FGF12: variants seen among roughly 807,000 people sequenced by gnomAD.
FGF12 encodes fibroblast growth factor 12B.
A neutral mutation model predicts 23.6 loss-of-function variants in FGF12; 14 were observed. That is an observed-to-expected ratio of 0.59 (90% CI 0.39 to 0.93). The LOEUF (loss-of-function observed/expected upper bound fraction) is 0.93, where lower values mean the gene tolerates loss of function less well. FGF12 is among the 40% of genes least tolerant of loss of function. The pLI is 0.00. For synonymous variants in FGF12, 62 were observed against 77.3 expected (o/e 0.80, Z 1.04); for missense variants, 175 against 217.8 (o/e 0.80, Z 1.24).
intron 2 of FGF12, among the ~76,000 whole-genome samples, chr3:192,407,186 C>A (rs142985642): frequency 2.0e-5 from 3 of 152,150 alleles, no homozygotes; most frequent in Non-Finnish European, 4.4e-5. Context: ...CATCTGCGGT[C>A]GGGGCTGCAG....
At chr3:192,362,238 T>TC (rs1284753130) in intron 2 of FGF12, among the ~76,000 whole-genome samples, 1 of 152,142 alleles carries the variant, frequency 6.6e-6, no homozygotes, top group Admixed American at 6.5e-5. Flanking sequence ...AACAACTCTC[T>TC]CTTTTTTTTA....
intron 4 of FGF12, among the ~76,000 whole-genome samples, chr3:192,250,309 T>A (rs1433116649): frequency 6.6e-6 from 1 of 152,154 alleles, no homozygotes; most frequent in Non-Finnish European, 1.5e-5. Context: ...CATTAGCTAG[T>A]TAAGTGTACA....
At chr3:192,364,617 C>G (rs1718888282) in intron 2 of FGF12, among the ~76,000 whole-genome samples, 1 of 152,132 alleles carries the variant, frequency 6.6e-6, no homozygotes, top group South Asian at 2.1e-4. Flanking sequence ...CAAACATTCT[C>G]CTCCACACTC....
intron 4 of FGF12, among the ~76,000 whole-genome samples, chr3:192,191,733 G>T (rs547040537): frequency 6.6e-6 from 1 of 152,162 alleles, no homozygotes; most frequent in East Asian, 1.9e-4. Context: ...CTACTCAGGA[G>T]GCTGAGGCAG....
chr3:192,499,067 T>A (rs1724042874), intron 2 of FGF12, among the ~76,000 whole-genome samples: 1 of 152,336 alleles, frequency 6.6e-6, no homozygotes, highest in East Asian at 1.9e-4. Context: ...TTTATTTTTA[T>A]CCCTGATATA....
At chr3:192,343,722 G>A (rs1717811187) in intron 3 of FGF12, among the ~76,000 whole-genome samples, 3 of 152,208 alleles carry the variant, frequency 2.0e-5, no homozygotes, top group South Asian at 4.1e-4. Context: ...TAATTCCACA[G>A]CATTCCATAC....
At chr3:192,158,632 GT>G (rs1487149874) in intron 5 of FGF12, among the ~76,000 whole-genome samples, 1 of 8,384 alleles carries the variant, frequency 1.2e-4, no homozygotes, top group Non-Finnish European at 2.1e-4. Context: ...CTTTCTCTCT[GT>G]TTTTTCCCTC....
chr3:192,280,592 C>T lies in FGF12; in HGVS notation c.228+54769G>A, dbSNP rs76636641. ...TTAGGCACTTCTTATGTGCAAAATACTGCTCTGAATGCTTTACATTTATGA... is the reference window on the plus strand; with the variant it reads ...TTAGGCACTTCTTATGTGCAAAATATTGCTCTGAATGCTTTACATTTATGA... On this transcript the variant is annotated intron_variant, in intron 4 of 5. Coordinates refer to ENST00000445105, the MANE Select transcript of FGF12 (RefSeq NM_004113.6). Among the ~76,000 whole-genome samples, 680 of 152,196 alleles carry T rather than the reference C, an allele frequency of 4.5e-3. 4 individuals are homozygous for T. Among genetic ancestry groups the T allele is most frequent in the African/African-American group, 0.016 (671 of 41,550 alleles).
At chr3:192,252,206 A>G (rs2108607785) in intron 4 of FGF12, among the ~76,000 whole-genome samples, 1 of 152,166 alleles carries the variant, frequency 6.6e-6, no homozygotes, top group East Asian at 1.9e-4. Context: ...CACGCCTGTA[A>G]TCACAGCACT....
At chr3:192,718,626 A>G (rs1247990035) in intron 2 of FGF12, among the ~76,000 whole-genome samples, 1 of 152,196 alleles carries the variant, frequency 6.6e-6, no homozygotes, top group Non-Finnish European at 1.5e-5. Context: ...CGTCTTTTCC[A>G]CAAGGCCACT....
intron 2 of FGF12, among the ~76,000 whole-genome samples, chr3:192,433,692 AT>A: frequency 6.6e-6 from 1 of 152,378 alleles, no homozygotes; most frequent in South Asian, 2.1e-4. Flanking sequence ...TCATGTAAAT[AT>A]TTAGACTAGT....
intron 2 of FGF12, among the ~76,000 whole-genome samples, chr3:192,642,995 C>T (rs1032132504): frequency 3.3e-5 from 5 of 152,202 alleles, no homozygotes; most frequent in African/African-American, 1.2e-4. Flanking sequence ...ATTACGTTTT[C>T]TTACCAGCAG....
intron 2 of FGF12, among the ~76,000 whole-genome samples, chr3:192,598,803 A>C (rs1225228333): frequency 6.6e-6 from 1 of 152,174 alleles, no homozygotes; most frequent in African/African-American, 2.4e-5. Flanking sequence ...TGGATTAGCT[A>C]TACACTTTCC....
At chr3:192,316,620 C>T (rs570153658) in intron 4 of FGF12, among the ~76,000 whole-genome samples, 1 of 152,300 alleles carries the variant, frequency 6.6e-6, no homozygotes, top group South Asian at 2.1e-4. Flanking sequence ...AACTTGAGTT[C>T]TGCCAAGCCT....
At chr3:192,624,753 T>G (rs1226796833) in intron 2 of FGF12, among the ~76,000 whole-genome samples, 1 of 152,126 alleles carries the variant, frequency 6.6e-6, no homozygotes, top group East Asian at 1.9e-4. Flanking sequence ...GATTGTAAAA[T>G]TAATTTATTT....
chr3:192,247,827 G>A (rs1711724837), intron 4 of FGF12, among the ~76,000 whole-genome samples: 1 of 152,098 alleles, frequency 6.6e-6, no homozygotes, highest in Non-Finnish European at 1.5e-5. Flanking sequence ...CCAATAATAA[G>A]GGATATTGAA....
intron 2 of FGF12, among the ~76,000 whole-genome samples, chr3:192,513,518 T>C (rs1281588047): frequency 6.6e-6 from 1 of 152,206 alleles, no homozygotes; most frequent in Non-Finnish European, 1.5e-5. Flanking sequence ...GTCAAAGATC[T>C]ATAAGAATGA....
At position 192,206,130 on chromosome 3, in the gene FGF12, T is replaced by C. The variant is rs74762869; in HGVS notation, c.229-35474A>G. On this transcript the variant is annotated intron_variant, in intron 4 of 5. Coordinates refer to ENST00000445105, the MANE Select transcript of FGF12 (RefSeq NM_004113.6). ...ACCAGGCCAATCCAGAGCAATGCCA[T>C]AGACATCACTCCACTATCTTCATGT... Among the ~76,000 whole-genome samples the C allele has an allele frequency of 3.0e-3, 458 of 152,320 alleles. 10 individuals are homozygous for C. The East Asian group carries it at 0.032, about 11-fold the overall frequency.
intron 4 of FGF12, among the ~76,000 whole-genome samples, chr3:192,259,997 A>G (rs1206929425): frequency 6.6e-6 from 1 of 152,154 alleles, no homozygotes; most frequent in African/African-American, 2.4e-5. Context: ...GAAATTACTC[A>G]GTAAAATCTG....
Sources: allele counts gnomAD v4.1 joint callset (sites outside exome capture counted in the v4.1 genomes callset), GRCh38; gene constraint gnomAD v4.1.1; transcripts MANE v1.5; gene names NCBI Gene and HGNC (gene_info 2026-07-23, HGNC 2026-07-21).